Variants in GPC5 observed in about 807,000 individuals in gnomAD.
The protein encoded by GPC5 is glypican 5.
Under a neutral mutation model 53.9 loss-of-function variants are expected in GPC5, and 47 were observed. The ratio of observed to expected loss-of-function variants is 0.87; its 90% CI spans 0.69 to 1.11. The LOEUF is 1.11. Ranked by LOEUF, GPC5 falls within the 50% of genes most tolerant of loss-of-function variation. The pLI is 0.00. For missense variants in GPC5, 748 were observed against 713.1 expected (o/e 1.05, Z -0.56); for synonymous variants, 286 against 263.3 (o/e 1.09, Z -0.84).
intron 7 of GPC5, among the ~76,000 whole-genome samples, chr13:92,765,978 G>T (rs956345014): frequency 6.6e-6 from 1 of 152,008 alleles, no homozygotes; most frequent in South Asian, 2.1e-4. Context: ...AGGCAGATAG[G>T]CTTTGCTGAG....
At chr13:92,530,615 GA>G (rs1264292666) in intron 7 of GPC5, among the ~76,000 whole-genome samples, 2 of 152,098 alleles carry the variant, frequency 1.3e-5, no homozygotes, top group Non-Finnish European at 2.9e-5. Flanking sequence ...TACCGAAGAG[GA>G]AAAGGGTTTG....
intron 7 of GPC5, among the ~76,000 whole-genome samples, chr13:92,730,462 C>G (rs1317906354): frequency 6.6e-6 from 1 of 151,396 alleles, no homozygotes; most frequent in African/African-American, 2.4e-5. Context: ...TCACCAAACT[C>G]AGGCTCATCT....
At chr13:91,691,367 C>T (rs1398869557) in intron 2 of GPC5, among the ~76,000 whole-genome samples, 2 of 152,110 alleles carry the variant, frequency 1.3e-5, no homozygotes, top group Non-Finnish European at 2.9e-5. Flanking sequence ...TGTATTTTTT[C>T]CCCATGAAGC....
intron 7 of GPC5, among the ~76,000 whole-genome samples, chr13:92,283,278 C>A (rs1383329339): frequency 1.3e-5 from 2 of 152,256 alleles, no homozygotes; most frequent in East Asian, 1.9e-4. Context: ...CTTAGACTCC[C>A]ACACAATAAT....
rs188790750 is a variant in GPC5 at position 92,034,533 on chromosome 13, A to T, written c.1402-110297A>T. Among the ~76,000 whole-genome samples the T allele has an allele frequency of 3.0e-4, 46 of 152,256 alleles. No individual in the cohort carries two copies. In the East Asian group the frequency reaches 7.7e-3, roughly 26 times the overall value. On this transcript the variant is annotated intron_variant, in intron 6 of 7. Coordinates refer to ENST00000377067, the MANE Select transcript of GPC5 (RefSeq NM_004466.6). ...TTTAAAAAAAGGAAAGCAAAGTAATAAAAAATACGGTAAAGTTAATAAGAG... is the reference window on the plus strand; with the variant it reads ...TTTAAAAAAAGGAAAGCAAAGTAATTAAAAATACGGTAAAGTTAATAAGAG...
At chr13:92,441,862 G>GAATCC (rs1877583075) in intron 7 of GPC5, among the ~76,000 whole-genome samples, 1 of 152,098 alleles carries the variant, frequency 6.6e-6, no homozygotes, top group Non-Finnish European at 1.5e-5. Flanking sequence ...AACCAACGAA[G>GAATCC]AATCCAAATA....
intron 6 of GPC5, among the ~76,000 whole-genome samples, chr13:92,119,314 G>A (rs1328401411): frequency 1.3e-5 from 2 of 150,762 alleles, no homozygotes; most frequent in Admixed American, 6.6e-5. Context: ...AATTATGGGA[G>A]CTAAATATCA....
chr13:92,705,242 G>A (rs1366309036), intron 7 of GPC5, among the ~76,000 whole-genome samples: 1 of 151,814 alleles, frequency 6.6e-6, no homozygotes, highest in African/African-American at 2.4e-5. Flanking sequence ...AGTGTAGTAA[G>A]GTAAATAATT....
chr13:92,531,175 G>A (rs1881551570), intron 7 of GPC5, among the ~76,000 whole-genome samples: 1 of 151,972 alleles, frequency 6.6e-6, no homozygotes, highest in South Asian at 2.1e-4. Context: ...TTTCTACTCT[G>A]ACAGTTGATA....
At chr13:92,462,138 G>A (rs1403180010) in intron 7 of GPC5, among the ~76,000 whole-genome samples, 3 of 152,146 alleles carry the variant, frequency 2.0e-5, no homozygotes, top group East Asian at 1.9e-4. Context: ...GAGTGACAGC[G>A]GAAGCCACTA....
intron 4 of GPC5, among the ~76,000 whole-genome samples, chr13:91,733,992 G>A (rs1024397928): frequency 1.3e-5 from 2 of 152,148 alleles, no homozygotes; most frequent in African/African-American, 2.4e-5. Context: ...ATTATTTTGA[G>A]ATATGTTCCA....
chr13:91,438,736 T>C lies in GPC5; in HGVS notation c.164-10025T>C, dbSNP rs7328888. 3.7e-3 allele frequency among the ~76,000 whole-genome samples: 571 copies of C among 152,340 alleles called. 11 individuals are homozygous for C. Among genetic ancestry groups the C allele is most frequent in the African/African-American group, 0.013 (545 of 41,590 alleles). Reference sequence around the variant, plus strand: ...TGCAGAGGATTCTGCGCCTTGTGTTTGGCAATGCCCTGCCCCCAGAGGTGG... The same window carrying C: ...TGCAGAGGATTCTGCGCCTTGTGTTCGGCAATGCCCTGCCCCCAGAGGTGG... On this transcript the variant is annotated intron_variant, in intron 1 of 7. Transcript: ENST00000377067.
chr13:91,529,800 G>C (rs1282682834), intron 2 of GPC5, among the ~76,000 whole-genome samples: 1 of 152,148 alleles, frequency 6.6e-6, no homozygotes, highest in Non-Finnish European at 1.5e-5. Flanking sequence ...GCATTAGGCT[G>C]TGGAACAAGG....
intron 7 of GPC5, among the ~76,000 whole-genome samples, chr13:92,524,277 C>A (rs1881186520): frequency 6.6e-6 from 1 of 152,050 alleles, no homozygotes; most frequent in African/African-American, 2.4e-5. Flanking sequence ...ATGTTCACAG[C>A]CTCTTCACCA....
intron 5 of GPC5, among the ~76,000 whole-genome samples, chr13:91,864,937 C>T (rs1459538458): frequency 6.8e-6 from 1 of 147,862 alleles, no homozygotes; most frequent in African/African-American, 2.5e-5. Context: ...CAGAGTCTTG[C>T]TCTATCACCC....
chr13:91,941,981 A>T (rs2039931374), intron 6 of GPC5, among the ~76,000 whole-genome samples: 1 of 152,130 alleles, frequency 6.6e-6, no homozygotes, highest in South Asian at 2.1e-4. Context: ...TGATCACCAC[A>T]CTCAAGTGAA....
chr13:91,665,741 G>A (rs1220948861), intron 2 of GPC5, among the ~76,000 whole-genome samples: 2 of 152,016 alleles, frequency 1.3e-5, no homozygotes, highest in Non-Finnish European at 2.9e-5. Context: ...TCCTGACCTC[G>A]TGATCTGCTG....
intron 6 of GPC5, among the ~76,000 whole-genome samples, chr13:92,135,770 A>G (rs1173316694): frequency 1.3e-5 from 2 of 152,226 alleles, no homozygotes; most frequent in Admixed American, 6.5e-5. Flanking sequence ...CCGAGATCAG[A>G]AAGTTCAAAC....
chr13:91,978,344 T>C (rs1332805759), intron 6 of GPC5, among the ~76,000 whole-genome samples: 1 of 152,242 alleles, frequency 6.6e-6, no homozygotes, highest in African/African-American at 2.4e-5. Flanking sequence ...GCAATATTTA[T>C]TGAATGTTTC....
Sources: gnomAD v4.1 joint callset for allele counts (sites outside exome capture counted in the v4.1 genomes callset) on GRCh38, gnomAD v4.1.1 for gene constraint, MANE v1.5 for transcripts, NCBI Gene and HGNC (gene_info 2026-07-23, HGNC 2026-07-21) for gene names.